The following ABI2 variants were observed in gnomAD, a reference collection of about 807,000 sequenced individuals.
ABI2 encodes the protein abl interactor 2, also known as abelson interactor 2.
In ABI2, 25 loss-of-function variants were observed where a neutral mutation model predicts 59.2. That is an observed-to-expected ratio of 0.42 (90% confidence interval 0.31 to 0.59). ABI2 has a LOEUF of 0.59. Ranked by LOEUF, ABI2 falls within the 20% of genes least tolerant of loss-of-function variation. ABI2 has a pLI of 0.14. For missense variants in ABI2, 545 were observed against 681.8 expected, an observed-to-expected ratio of 0.80 and a Z score of 2.23; for synonymous variants, 213 against 235.5, an observed-to-expected ratio of 0.90 and a Z score of 0.87.
chr2:203,389,384 A>G (rs2096655437), intron 4 of ABI2, among the ~76,000 whole-genome samples: 1 of 152,218 alleles, frequency 6.6e-6, no homozygotes, highest in Admixed American at 6.5e-5. Flanking sequence ...CAACTTGTTC[A>G]CTGGGCTATT....
intron 1 of ABI2, among the ~76,000 whole-genome samples, chr2:203,330,764 C>A (rs768152672): frequency 6.6e-6 from 1 of 152,176 alleles, no homozygotes; most frequent in Non-Finnish European, 1.5e-5. Flanking sequence ...AAACAGATTT[C>A]TCTCTCTTTT....
chr2:203,338,908 C>CTGTGTGTGTGTGTGTGTGTGTGTGTG (rs148766477), intron 1 of ABI2, among the ~76,000 whole-genome samples: 9 of 64,034 alleles, frequency 1.4e-4, no homozygotes, highest in African/African-American at 6.0e-4. Flanking sequence ...GGGTTTATAT[C>CTGTGTGTGTGTGTGTGTGTGTGTGTG]TGTGTGTGTG....
chr2:203,390,605 C>G (rs954384708), intron 4 of ABI2, among the ~76,000 whole-genome samples: 4 of 151,466 alleles, frequency 2.6e-5, no homozygotes, highest in Admixed American at 1.3e-4. Flanking sequence ...GCACTCCAGC[C>G]TGGGTAACAA....
In ABI2 at chr2:203,379,931, T is replaced by G. The variant is rs180916536; in HGVS notation, c.286-277T>G. 2.2e-4 allele frequency among the ~76,000 whole-genome samples: 34 copies of G among 152,342 alleles called. No homozygotes were observed. In the East Asian group the frequency reaches 5.4e-3, roughly 24 times the overall value. On this transcript the variant is annotated intron_variant, in intron 2 of 11. Transcript: ENST00000261018. ...TTTTCACGTGAAGGTTTTTTTTGGTTGTTCTTTTCTCCAAACATTAAAAAA... is the reference window on the plus strand; with the variant it reads ...TTTTCACGTGAAGGTTTTTTTTGGTGGTTCTTTTCTCCAAACATTAAAAAA...
chr2:203,374,192 G>C (rs940801299), intron 2 of ABI2, among the ~76,000 whole-genome samples: 3 of 151,718 alleles, frequency 2.0e-5, no homozygotes, highest in South Asian at 4.2e-4. Flanking sequence ...TATATAGATA[G>C]CCTTGCTTAA....
Position 203,395,169 on chromosome 2 carries a change from T to C in ABI2, c.725+323T>C, listed in dbSNP as rs2096922011. The C allele has an allele frequency of 5.7e-6, 4 of 695,816 alleles. No individual in the cohort carries two copies. The East Asian group carries it at 1.1e-4, about 19-fold the overall frequency. 43.1% of individuals were successfully genotyped at this position (695,816 alleles called of 1,614,324 possible). A position where few individuals can be genotyped will look rare whatever the true frequency, so the allele number is the denominator to read the frequency against. On this transcript the variant is annotated intron_variant, in intron 6 of 11. Coordinates refer to ENST00000261018, the MANE Select transcript of ABI2 (RefSeq NM_001375670.1). ...AACTTTACAGATGAAAAACTATACATAATAAAACATTAATATGGGATAGTA... is the reference window on the plus strand; with the variant it reads ...AACTTTACAGATGAAAAACTATACACAATAAAACATTAATATGGGATAGTA...
At chr2:203,374,973 G>A in intron 2 of ABI2, 1 of 363,150 alleles carries the variant, frequency 2.8e-6, no homozygotes, top group South Asian at 2.1e-5. Flanking sequence ...TGTGGCCTGA[G>A]CATGTGCTTG....
chr2:203,341,714 AAAAAC>A (rs1481416028), intron 1 of ABI2, among the ~76,000 whole-genome samples: 2 of 152,214 alleles, frequency 1.3e-5, no homozygotes, highest in African/African-American at 4.8e-5. Context: ...CATCTCAAAA[AAAAAC>A]AAAAGAAATT....
chr2:203,328,682 C>G, intron 1 of ABI2, 51 bp downstream of exon 1: 1 of 1,341,946 alleles, frequency 7.5e-7, no homozygotes, highest in African/African-American at 1.5e-5. Context: ...CGCCGGGGGC[C>G]GCGCGCCTCG....
chr2:203,415,107 ATTTCTC>A (rs2097839549), intron 10 of ABI2, among the ~76,000 whole-genome samples: 1 of 152,206 alleles, frequency 6.6e-6, no homozygotes, highest in African/African-American at 2.4e-5. Context: ...AATAGGATAA[ATTTCTC>A]TTTCTCACCC....
chr2:203,368,088 C>T (rs1030682866), intron 2 of ABI2, among the ~76,000 whole-genome samples: 2 of 151,990 alleles, frequency 1.3e-5, no homozygotes, highest in African/African-American at 2.4e-5. Flanking sequence ...GCTTTTTTAA[C>T]TTAGCGTTAA....
chr2:203,365,438 TTTTC>T (rs1219528205), intron 1 of ABI2, among the ~76,000 whole-genome samples: 1 of 152,158 alleles, frequency 6.6e-6, no homozygotes, highest in Non-Finnish European at 1.5e-5. Context: ...GTCTGTACCT[TTTTC>T]TTATTTCATT....
chr2:203,415,615 T>TC (rs1252817161), intron 10 of ABI2, among the ~76,000 whole-genome samples: 1 of 38,720 alleles, frequency 2.6e-5, no homozygotes, highest in African/African-American at 1.3e-4. Flanking sequence ...AGACTCCGTC[T>TC]CAAAAAAAAA....
chr2:203,379,567 T>G (rs2095965631), intron 2 of ABI2, among the ~76,000 whole-genome samples: 1 of 152,194 alleles, frequency 6.6e-6, no homozygotes, highest in African/African-American at 2.4e-5. Context: ...TTCAGCCCTC[T>G]TTCTTTTTAA....
chr2:203,421,254 A>G (rs139219229), intron 11 of ABI2, among the ~76,000 whole-genome samples: 21 of 152,330 alleles, frequency 1.4e-4, no homozygotes, highest in Non-Finnish European at 2.6e-4. Context: ...GCCTCAACCA[A>G]GGTAGTGGTG....
At chr2:203,374,848 C>T (rs1257946123) in intron 2 of ABI2, 1 of 456,180 alleles carries the variant, frequency 2.2e-6, no homozygotes, top group African/African-American at 2.0e-5. Context: ...GGGCAGCTAA[C>T]TGAGGTAGTG....
Position 203,342,370 on chromosome 2 carries a change from C to A in ABI2, c.117+13739C>A. 2 of 336,264 alleles carry A rather than the reference C, an allele frequency of 5.9e-6. 1 individual carries two copies. The highest frequency in any genetic ancestry group is 1.9e-3 in the Middle Eastern group (2 of 1,066). 20.8% of individuals were successfully genotyped at this position (336,264 alleles called of 1,614,324 possible). On this transcript the variant is annotated intron_variant, in intron 1 of 11. Transcript: ENST00000261018. Reference sequence around the variant, plus strand: ...TTTGTTTTTCTTGATGTTATGTGGCCTTACCCACTTATGTGTTGAAGGCTT... The same window carrying A: ...TTTGTTTTTCTTGATGTTATGTGGCATTACCCACTTATGTGTTGAAGGCTT...
intron 2 of ABI2, among the ~76,000 whole-genome samples, chr2:203,376,814 G>A (rs1227536850): frequency 6.7e-6 from 1 of 149,630 alleles, no homozygotes; most frequent in African/African-American, 2.5e-5. Flanking sequence ...GAGAACATGT[G>A]GGTAATATGT....
chr2:203,336,843 G>A (rs1295839209), intron 1 of ABI2, among the ~76,000 whole-genome samples: 2 of 152,194 alleles, frequency 1.3e-5, no homozygotes, highest in Admixed American at 1.3e-4. Context: ...TATGGTAAAT[G>A]TGTGTTTAGT....
Sources: gnomAD v4.1 joint callset for allele counts (sites outside exome capture counted in the v4.1 genomes callset) on GRCh38, gnomAD v4.1.1 for gene constraint, MANE v1.5 for transcripts, NCBI Gene and HGNC (gene_info 2026-07-23, HGNC 2026-07-21) for gene names.